Variants in KLHL6 observed in about 807,000 individuals in gnomAD.
KLHL6 encodes kelch-like protein 6.
Under a neutral mutation model 58.6 loss-of-function variants are expected in KLHL6, and 41 were observed. That is an observed-to-expected ratio of 0.70 (90% CI 0.55 to 0.91). The LOEUF is 0.91. Among genes scored for constraint, KLHL6 ranks in the 40% least tolerant of loss-of-function variants. The pLI, the probability that KLHL6 is intolerant of heterozygous loss-of-function variation, is 0.00. For missense variants in KLHL6, 714 were observed against 805.6 expected (o/e 0.89, Z 1.38); for synonymous variants, 338 against 322.7 (o/e 1.05, Z -0.51).
At chr3:183,506,113 T>A (rs1307366544) in intron 3 of KLHL6, among the ~76,000 whole-genome samples, 2 of 152,234 alleles carry the variant, frequency 1.3e-5, no homozygotes, top group African/African-American at 4.8e-5. Flanking sequence ...GAAGAAAGCC[T>A]GGTAGCTAAT....
intron 2 of KLHL6, among the ~76,000 whole-genome samples, chr3:183,525,269 A>AAAAAACACACACACACAC (rs55871319): frequency 4.5e-5 from 6 of 133,868 alleles, no homozygotes; most frequent in African/African-American, 1.7e-4. Flanking sequence ...CTAAAAAAAA[A>AAAAAACACACACACACAC]ACACACACAC....
chr3:183,507,474 C>T (rs1718041096), intron 3 of KLHL6, among the ~76,000 whole-genome samples: 1 of 152,092 alleles, frequency 6.6e-6, no homozygotes, highest in African/African-American at 2.4e-5. Flanking sequence ...CTCTGTTGCC[C>T]AGGCTGGAGT....
intron 1 of KLHL6, among the ~76,000 whole-genome samples, chr3:183,530,547 G>A (rs1712122705): frequency 6.6e-6 from 1 of 152,056 alleles, no homozygotes; most frequent in Non-Finnish European, 1.5e-5. Context: ...AGGGGAGAGG[G>A]GTGAATTAGA....
At chr3:183,509,197 T>C (rs1041086047) in intron 2 of KLHL6, among the ~76,000 whole-genome samples, 1 of 152,222 alleles carries the variant, frequency 6.6e-6, no homozygotes, top group Non-Finnish European at 1.5e-5. Flanking sequence ...GGATTCCTGA[T>C]TTAAACAATA....
chr3:183,498,117 C>T (rs1717766202), intron 4 of KLHL6, among the ~76,000 whole-genome samples: 1 of 152,056 alleles, frequency 6.6e-6, no homozygotes, highest in Non-Finnish European at 1.5e-5. Flanking sequence ...GCCTGTAATC[C>T]CAGCTACCTG....
chr3:183,543,547 T>A (rs934801710), intron 1 of KLHL6, among the ~76,000 whole-genome samples: 12 of 152,328 alleles, frequency 7.9e-5, no homozygotes, highest in African/African-American at 2.9e-4. Flanking sequence ...ATCTCTGTTC[T>A]CTTCTGTCCT....
intron 1 of KLHL6, chr3:183,544,532 G>T (rs2108695540): frequency 6.6e-6 from 1 of 152,200 alleles, no homozygotes; most frequent in African/African-American, 2.4e-5. Flanking sequence ...CACAGCAAAG[G>T]CAAAAGTGCG....
chr3:183,542,471 G>C (rs1292714862), intron 1 of KLHL6, among the ~76,000 whole-genome samples: 2 of 152,086 alleles, frequency 1.3e-5, no homozygotes, highest in African/African-American at 2.4e-5. Flanking sequence ...TGCCTGGAAT[G>C]CTCCTCTCTT....
chr3:183,535,240 G>GC (rs1448207268), intron 1 of KLHL6, among the ~76,000 whole-genome samples: 1 of 152,166 alleles, frequency 6.6e-6, no homozygotes, highest in Non-Finnish European at 1.5e-5. Flanking sequence ...AACGTGCCCA[G>GC]CCTTATGCGT....
At chr3:183,529,799 G>A (rs1041902094) in intron 1 of KLHL6, among the ~76,000 whole-genome samples, 1 of 151,576 alleles carries the variant, frequency 6.6e-6, no homozygotes, top group Non-Finnish European at 1.5e-5. Context: ...AAAAAAGAAA[G>A]AAAGAAAGGA....
At chr3:183,529,145 C>T (rs1049046912) in intron 1 of KLHL6, among the ~76,000 whole-genome samples, 2 of 152,046 alleles carry the variant, frequency 1.3e-5, no homozygotes, top group Admixed American at 1.3e-4. Flanking sequence ...TGAGGCCTAC[C>T]GGAGGGTAGA....
chr3:183,551,268 C>T (rs1248713671), intron 1 of KLHL6, among the ~76,000 whole-genome samples: 1 of 151,914 alleles, frequency 6.6e-6, no homozygotes, highest in Non-Finnish European at 1.5e-5. Context: ...GCAGACAGTC[C>T]CGGGGAATGA....
chr3:183,552,912 G>A (rs1359536592), intron 1 of KLHL6, among the ~76,000 whole-genome samples: 1 of 151,994 alleles, frequency 6.6e-6, no homozygotes, highest in Admixed American at 6.6e-5. Context: ...CTGGACTTTG[G>A]CTCACCGTCG....
rs1053697844 is a variant in KLHL6 at position 183,494,229 on chromosome 3, C to T, written c.1200G>A (p.Lys400=). The change falls in exon 5 of 7, where the codon AAG becomes AAA. Residue 400 remains lysine (K), a synonymous_variant. Transcript: ENST00000341319. ...DVWKYNSSIN[K]WIQIEYLNIG... ...TGTTTAAATACTCAATCTGAATCCACTTGTTGATCGAAGAATTATATTTCC... is the reference window on the plus strand; with the variant it reads ...TGTTTAAATACTCAATCTGAATCCATTTGTTGATCGAAGAATTATATTTCC... 2 of 1,613,992 alleles carry T rather than the reference C, an allele frequency of 1.2e-6. No homozygotes were observed. The highest frequency in any genetic ancestry group is 1.7e-6 in the Non-Finnish European group (2 of 1,179,968).
chr3:183,543,938 C>T (rs1037738403), intron 1 of KLHL6, among the ~76,000 whole-genome samples: 3 of 151,984 alleles, frequency 2.0e-5, no homozygotes, highest in Admixed American at 6.6e-5. Context: ...CCGAGGCAGG[C>T]GGATCACCTG....
At chr3:183,534,948 A>ATTTT (rs199669663) in intron 1 of KLHL6, among the ~76,000 whole-genome samples, 28 of 31,068 alleles carry the variant, frequency 9.0e-4, no homozygotes, top group African/African-American at 1.5e-3. Context: ...ATATATATAT[A>ATTTT]TATTTTTTTT....
chr3:183,555,353 A>T lies in KLHL6; in HGVS notation c.293+8T>A, dbSNP rs763658567. On this transcript the variant is annotated splice_region_variant and intron_variant, in intron 1 of 6. Transcript: ENST00000341319. ...ACCCAATTTGACTCTGGTCCTAGGC[A>T]TGCTGACCTGAAATAGTTGCTGGCT... The T allele has an allele frequency of 1.2e-6, 2 of 1,612,974 alleles. No homozygotes were observed. Among genetic ancestry groups the T allele is most frequent in the African/African-American group, 1.3e-5 (1 of 74,994 alleles).
chr3:183,530,862 C>T (rs1043112390), intron 1 of KLHL6, among the ~76,000 whole-genome samples: 8 of 144,332 alleles, frequency 5.5e-5, no homozygotes, highest in Admixed American at 1.4e-4. Context: ...GACAGAGTCT[C>T]ACTCTGTCAC....
intron 2 of KLHL6, among the ~76,000 whole-genome samples, chr3:183,515,990 A>G (rs913708989): frequency 6.6e-6 from 1 of 152,244 alleles, no homozygotes; most frequent in African/African-American, 2.4e-5. Flanking sequence ...GCATTTGTAT[A>G]AAGGAGCAAA....
Sources: gnomAD v4.1 joint callset for allele counts (sites outside exome capture counted in the v4.1 genomes callset) on GRCh38, gnomAD v4.1.1 for gene constraint, MANE v1.5 for transcripts, NCBI Gene and HGNC (gene_info 2026-07-23, HGNC 2026-07-21) for gene names.